The following TOMM7 variants were observed in gnomAD, a reference collection of about 807,000 sequenced individuals.
TOMM7 encodes the protein mitochondrial import receptor subunit TOM7 homolog.
In TOMM7, 8 loss-of-function variants were observed where a neutral mutation model predicts 9.5. The observed-to-expected ratio is 0.84, with a 90% CI of 0.49 to 1.51. TOMM7 has a LOEUF of 1.51. TOMM7 is among the 40% of genes most tolerant of loss of function. The probability of loss-of-function intolerance (pLI) is 0.00; values close to 1 mark genes in which losing one functional copy is unlikely to be tolerated. For missense variants in TOMM7, 74 were observed against 63.7 expected (o/e 1.16, Z -0.55); for synonymous variants, 27 against 21.4 (o/e 1.26, Z -0.72).
intron 1 of TOMM7, among the ~76,000 whole-genome samples, chr7:22,820,104 G>A (rs1782367599): frequency 6.6e-6 from 1 of 152,180 alleles, no homozygotes. Flanking sequence ...GGGAGGCCAA[G>A]ATCGAAGATC....
At chr7:22,822,262 A>G in intron 1 of TOMM7, 1 of 1,550,470 alleles carries the variant, frequency 6.4e-7, no homozygotes. Flanking sequence ...TGGCAGTGGT[A>G]CTTTCACGAG....
At position 22,822,723 on chromosome 7, in the gene TOMM7, G is replaced by T. The variant is rs759315830; in HGVS notation, c.57C>A (p.Ser19Arg). ...TAAAGCCCCAGCGAATGGCAAACTG[G>T]CTCCCCTTGAAGAGCTGCTGTAGTC... ...KQRLQQLFKG[S>R]QFAIRWGFIP... is the part of the protein sequence containing the mutation. The change falls in exon 1 of 3, where the codon AGC (serine) becomes AGA (arginine). Residue 19 changes from serine to arginine, a missense_variant. Ser to Arg is a moderately radical substitution (Grantham distance 110). Transcript: ENST00000358435. The T allele has an allele frequency of 6.2e-7, 1 of 1,614,190 alleles. No homozygotes were observed. The highest frequency in any genetic ancestry group is 8.5e-7 in the Non-Finnish European group (1 of 1,180,032).
chr7:22,820,421 A>G (rs1275641137), intron 1 of TOMM7, among the ~76,000 whole-genome samples: 2 of 152,368 alleles, frequency 1.3e-5, no homozygotes, highest in Non-Finnish European at 2.9e-5. Flanking sequence ...CCTGGCATGC[A>G]GATTGCAGCA....
intron 2 of TOMM7, among the ~76,000 whole-genome samples, chr7:22,816,369 G>A (rs1417705070): frequency 6.6e-6 from 1 of 152,200 alleles, no homozygotes; most frequent in Non-Finnish European, 1.5e-5. Context: ...CCAAGGTAAT[G>A]TTTCTCTAAG....
chr7:22,813,254 A>T, intron 2 of TOMM7, 69 bp from the exon 3 acceptor site: 1 of 1,425,850 alleles, frequency 7.0e-7, no homozygotes, highest in Non-Finnish European at 9.7e-7. Context: ...ATAACCTAAG[A>T]CCTAGAAAAT....
chr7:22,819,153 A>C (rs748218175), intron 1 of TOMM7, among the ~76,000 whole-genome samples: 14 of 152,186 alleles, frequency 9.2e-5, no homozygotes, highest in Non-Finnish European at 1.9e-4. Flanking sequence ...ACCTGATGAC[A>C]TATATGTTCA....
At chr7:22,817,960 T>G in intron 2 of TOMM7, 40 bp downstream of exon 2, 2 of 1,589,308 alleles carry the variant, frequency 1.3e-6, no homozygotes, top group Non-Finnish European at 1.7e-6. Context: ...TACTACTGTA[T>G]GAACATTTGT....
In TOMM7 at chr7:22,822,350, CT is replaced by C. The variant is rs1190037507; in HGVS notation, c.103+326del. 3.5e-6 allele frequency: 5 copies of C among 1,434,156 alleles called. No homozygotes were observed. In the African/African-American group the frequency reaches 7.1e-5, roughly 20 times the overall value. The allele number at this position is 1,434,156 out of a possible 1,614,324, so 88.8% of individuals were successfully genotyped here. On this transcript the variant is annotated intron_variant, in intron 1 of 2. Coordinates refer to ENST00000358435, the MANE Select transcript of TOMM7 (RefSeq NM_019059.5). Reference sequence around the variant, plus strand: ...TGAGGAAAAACACCCCGAGAACCACCTAGTGCTAGAGAGTGAATTAGTGACT... The same window carrying C: ...TGAGGAAAAACACCCCGAGAACCACCAGTGCTAGAGAGTGAATTAGTGACT...
At chr7:22,814,349 CAA>C (rs58506942) in intron 2 of TOMM7, among the ~76,000 whole-genome samples, 32,777 of 91,098 alleles carry the variant, frequency 0.36, 4,958 homozygotes, top group East Asian at 0.65. Flanking sequence ...GACTCCGACT[CAA>C]AAAAAAAAAA....
At chr7:22,813,275 T>C in intron 2 of TOMM7, 90 bp from the exon 3 acceptor site, 2 of 1,174,040 alleles carry the variant, frequency 1.7e-6, no homozygotes, top group Non-Finnish European at 2.4e-6. Flanking sequence ...TTTATACATT[T>C]ATGTTTGTTT....
Position 22,813,085 on chromosome 7 carries a change from A to T in TOMM7, c.*85T>A. On this transcript the variant is annotated 3_prime_UTR_variant, in exon 3 of 3. Coordinates refer to ENST00000358435, the MANE Select transcript of TOMM7 (RefSeq NM_019059.5). ...GTGCCATCCAACTAGTGACTGAATGATGTCCCATCTCTTATCCGAGCCAGA... is the reference window on the plus strand; with the variant it reads ...GTGCCATCCAACTAGTGACTGAATGTTGTCCCATCTCTTATCCGAGCCAGA... The T allele has an allele frequency of 7.1e-7, 1 of 1,408,340 alleles. No individual in the cohort carries two copies. The highest frequency in any genetic ancestry group is 1.8e-4 in the Middle Eastern group (1 of 5,444). 87.2% of individuals were successfully genotyped at this position (1,408,340 alleles called of 1,614,324 possible).
At position 22,817,683 on chromosome 7, in the gene TOMM7, A is replaced by G. The variant is rs115012052; in HGVS notation, c.152+317T>C. 4.3e-3 allele frequency: 1,017 copies of G among 234,184 alleles called. 14 individuals carry two copies. The highest frequency in any genetic ancestry group is 0.022 in the African/African-American group (972 of 43,822). 14.5% of individuals were successfully genotyped at this position (234,184 alleles called of 1,614,324 possible). On this transcript the variant is annotated intron_variant, in intron 2 of 2. Coordinates refer to ENST00000358435, the MANE Select transcript of TOMM7 (RefSeq NM_019059.5). The stretch of plus-strand genomic sequence containing the variant: ...ACAAAATCCTGCATACCCTTGTCAG[A>G]GCGATATAAAAGGTTGTATTCATCT...
rs138869929 is a variant in TOMM7, at chr7:22,815,521, C to T, written c.153-2336G>A. The stretch of plus-strand genomic sequence containing the variant: ...GACCAGACTGGGCAACACAGTGAGA[C>T]CTTCTTGCTACAAAAAAAACTAAAA... On this transcript the variant is annotated intron_variant, in intron 2 of 2. Transcript: ENST00000358435. Among the ~76,000 whole-genome samples the T allele has an allele frequency of 2.3e-4, 30 of 129,622 alleles. No individual in the cohort carries two copies. In the East Asian group the frequency reaches 8.7e-3, roughly 38 times the overall value. 85.0% of individuals were successfully genotyped at this position (129,622 alleles called of 152,430 possible).
chr7:22,819,520 G>A (rs184471639), intron 1 of TOMM7, among the ~76,000 whole-genome samples: 2 of 152,142 alleles, frequency 1.3e-5, no homozygotes, highest in Non-Finnish European at 2.9e-5. Context: ...ACAGGCATGC[G>A]CCACTACACC....
chr7:22,822,614 T>C, intron 1 of TOMM7, 63 bp downstream of exon 1: 1 of 1,458,266 alleles, frequency 6.9e-7, no homozygotes, highest in South Asian at 1.1e-5. Flanking sequence ...CGGCCAAAAA[T>C]GGGGCTGCTG....
At chr7:22,818,274 T>G (rs1376443639) in intron 1 of TOMM7, 1 of 426,112 alleles carries the variant, frequency 2.3e-6, no homozygotes, top group Non-Finnish European at 4.3e-6. Context: ...AGCTATCTTA[T>G]TCCTTTCTTT....
At chr7:22,819,836 T>C (rs1311045274) in intron 1 of TOMM7, among the ~76,000 whole-genome samples, 7 of 152,242 alleles carry the variant, frequency 4.6e-5, no homozygotes, top group Non-Finnish European at 4.4e-5. Context: ...CAAGACACCA[T>C]GGAGAATTGT....
intron 2 of TOMM7, 41 bp downstream of exon 2, chr7:22,817,959 A>T: frequency 6.3e-7 from 1 of 1,581,888 alleles, no homozygotes. Flanking sequence ...GTACTACTGT[A>T]TGAACATTTG....
chr7:22,815,089 T>G (rs1319885833), intron 2 of TOMM7, among the ~76,000 whole-genome samples: 1 of 152,080 alleles, frequency 6.6e-6, no homozygotes, highest in African/African-American at 2.4e-5. Flanking sequence ...CAAATGCCTC[T>G]GGAGGGAAAC....
Sources: gnomAD v4.1 joint callset for allele counts (sites outside exome capture counted in the v4.1 genomes callset) on GRCh38, gnomAD v4.1.1 for gene constraint, MANE v1.5 for transcripts, NCBI Gene and HGNC (gene_info 2026-07-23, HGNC 2026-07-21) for gene names.